The following CRYL1 variants were observed in gnomAD, a reference collection of about 807,000 sequenced individuals.
CRYL1 encodes the protein crystallin lambda 1, also known as lambda-crystallin homolog.
Under a neutral mutation model 36.6 loss-of-function variants are expected in CRYL1, and 29 were observed. The ratio of observed to expected loss-of-function variants is 0.79; its 90% CI spans 0.59 to 1.08. CRYL1 has a LOEUF of 1.08. CRYL1 is among the 50% of genes least tolerant of loss of function. The probability of loss-of-function intolerance (pLI) is 0.00; values close to 1 mark genes in which losing one functional copy is unlikely to be tolerated. For synonymous variants in CRYL1, 152 were observed against 151.5 expected (o/e 1.00, Z -0.02); for missense variants, 411 against 407.9 (o/e 1.01, Z -0.06).
intron 3 of CRYL1, among the ~76,000 whole-genome samples, chr13:20,484,999 A>C (rs1198176298): frequency 6.6e-6 from 1 of 152,102 alleles, no homozygotes; most frequent in Non-Finnish European, 1.5e-5. Context: ...TGAGACACTA[A>C]TATGCACTAG....
chr13:20,499,156 C>A (rs2033659991), intron 2 of CRYL1, among the ~76,000 whole-genome samples: 1 of 152,008 alleles, frequency 6.6e-6, no homozygotes, highest in Admixed American at 6.6e-5. Context: ...CCAGCCTGGA[C>A]AACATGGCAA....
At chr13:20,449,177 T>A (rs1169241783) in intron 3 of CRYL1, among the ~76,000 whole-genome samples, 2 of 152,172 alleles carry the variant, frequency 1.3e-5, no homozygotes, top group Non-Finnish European at 2.9e-5. Flanking sequence ...AGAAATGAAA[T>A]AATTGAAGGT....
intron 5 of CRYL1, among the ~76,000 whole-genome samples, chr13:20,414,187 T>G (rs973611176): frequency 8.2e-6 from 1 of 122,184 alleles, no homozygotes; most frequent in Non-Finnish European, 1.7e-5. Flanking sequence ...AATAAATAAA[T>G]AAATAAAAAT....
chr13:20,413,377 A>G lies in CRYL1; in HGVS notation c.644T>C (p.Val215Ala), dbSNP rs2031573005. 3 of 1,610,742 alleles carry G rather than the reference A, an allele frequency of 1.9e-6. No individual in the cohort carries two copies. Residue 215 changes from valine (V) to alanine (A), a missense_variant, in exon 6 of 8, where the codon GTG (valine) becomes GCG (alanine). Val to Ala is a moderately conservative substitution (Grantham distance 64). Coordinates refer to ENST00000298248, the MANE Select transcript of CRYL1 (RefSeq NM_015974.3). ...EAWRLVEEGI[V>A]SPSDLDLVMS... ...GACAAGGTCCAGGTCACTAGGAGAC[A>G]CGATTCCTTCCTACGTGGAGAAATT...
At chr13:20,473,182 C>T (rs1024021761) in intron 3 of CRYL1, 4 of 152,208 alleles carry the variant, frequency 2.6e-5, no homozygotes, top group East Asian at 1.9e-4. Context: ...AGAAATATTT[C>T]GCTTTCCTCT....
intron 3 of CRYL1, among the ~76,000 whole-genome samples, chr13:20,474,950 G>A (rs2033135066): frequency 2.0e-5 from 3 of 152,176 alleles, no homozygotes; most frequent in Admixed American, 2.0e-4. Context: ...GGTCAAGCAA[G>A]CTCCGAACTC....
intron 3 of CRYL1, among the ~76,000 whole-genome samples, chr13:20,451,069 G>A (rs2032561033): frequency 7.2e-6 from 1 of 138,270 alleles, no homozygotes. Context: ...GAGGGGTGGG[G>A]GGAGGGGGGA....
rs369245082 is a variant in CRYL1 at position 20,477,734 on chromosome 13, T to C, written c.276+11636A>G. On this transcript the variant is annotated intron_variant, in intron 3 of 7. Transcript: ENST00000298248. ...AATAAATTTTAAAAAATTATTTTTA[T>C]ATTATATATTATTTTGTATACTAGA... Among the ~76,000 whole-genome samples, 6 of 146,398 alleles carry C rather than the reference T, an allele frequency of 4.1e-5. No individual in the cohort carries two copies. The East Asian group carries it at 9.7e-4, about 24-fold the overall frequency.
chr13:20,444,570 T>C (rs1011348333), intron 3 of CRYL1, among the ~76,000 whole-genome samples: 3 of 152,250 alleles, frequency 2.0e-5, no homozygotes, highest in African/African-American at 7.2e-5. Flanking sequence ...ATGATGTTTT[T>C]GTACCGTTTG....
chr13:20,491,166 C>T (rs1257141118), intron 2 of CRYL1, among the ~76,000 whole-genome samples: 1 of 152,156 alleles, frequency 6.6e-6, no homozygotes, highest in African/African-American at 2.4e-5. Context: ...CTTGGCCTCC[C>T]AAAGTGCTGG....
At chr13:20,446,753 T>C (rs1189434344) in intron 3 of CRYL1, among the ~76,000 whole-genome samples, 1 of 152,234 alleles carries the variant, frequency 6.6e-6, no homozygotes, top group African/African-American at 2.4e-5. Context: ...GCAATTTTGT[T>C]AATCTCGAGG....
intron 5 of CRYL1, chr13:20,431,695 G>T (rs1309683768): frequency 9.8e-6 from 11 of 1,119,732 alleles, no homozygotes; most frequent in Non-Finnish European, 1.2e-5. Flanking sequence ...AAACAATTAG[G>T]TTCCTTCAGG....
At chr13:20,439,531 G>GAAAAA in intron 4 of CRYL1, 62 bp downstream of exon 4, 1 of 489,458 alleles carries the variant, frequency 2.0e-6, no homozygotes, top group Non-Finnish European at 2.8e-6. Flanking sequence ...AAAAAAAAAA[G>GAAAAA]AAAAAAAAAA....
chr13:20,439,061 T>C (rs1048070428), intron 4 of CRYL1, among the ~76,000 whole-genome samples: 1 of 152,184 alleles, frequency 6.6e-6, no homozygotes, highest in African/African-American at 2.4e-5. Flanking sequence ...AAAAAGTCCT[T>C]GAAGTCAGAC....
chr13:20,491,608 T>C (rs894108432), intron 2 of CRYL1, among the ~76,000 whole-genome samples: 18 of 152,084 alleles, frequency 1.2e-4, no homozygotes, highest in Admixed American at 1.2e-3. Context: ...CTGGGCAACA[T>C]GGTGAAACCT....
At chr13:20,485,154 A>G (rs536885857) in intron 3 of CRYL1, among the ~76,000 whole-genome samples, 1 of 152,194 alleles carries the variant, frequency 6.6e-6, no homozygotes, top group African/African-American at 2.4e-5. Flanking sequence ...AGTAGCTGGA[A>G]TTACAGGCAT....
At chr13:20,445,612 T>G (rs1041635490) in intron 3 of CRYL1, among the ~76,000 whole-genome samples, 2 of 152,200 alleles carry the variant, frequency 1.3e-5, no homozygotes, top group African/African-American at 4.8e-5. Context: ...TAGACAATAT[T>G]AGGGAAGACC....
At chr13:20,522,346 C>T (rs1472874597) in intron 1 of CRYL1, among the ~76,000 whole-genome samples, 2 of 143,812 alleles carry the variant, frequency 1.4e-5, no homozygotes, top group African/African-American at 2.5e-5. Context: ...AGCAAGAATC[C>T]GTCTCAAAAA....
At chr13:20,431,113 C>T (rs2032048625) in intron 5 of CRYL1, 17 of 985,252 alleles carry the variant, frequency 1.7e-5, no homozygotes, top group Non-Finnish European at 1.8e-5. Context: ...AAGCAGGCCG[C>T]GGGAGGCCAC....
Sources: gnomAD v4.1 joint callset for allele counts (sites outside exome capture counted in the v4.1 genomes callset) on GRCh38, gnomAD v4.1.1 for gene constraint, MANE v1.5 for transcripts, NCBI Gene and HGNC (gene_info 2026-07-23, HGNC 2026-07-21) for gene names.